Variants in WARS2 observed in about 807,000 individuals in gnomAD.
The protein encoded by WARS2 is tryptophanyl tRNA synthetase 2, mitochondrial, also known as tryptophan--tRNA ligase, mitochondrial.
A neutral mutation model predicts 36.5 loss-of-function variants in WARS2; 28 were observed. That is an observed-to-expected ratio of 0.77 (90% confidence interval 0.57 to 1.05). WARS2 has a LOEUF of 1.05. WARS2 is among the 50% of genes least tolerant of loss of function. The probability of loss-of-function intolerance (pLI) is 0.00; values close to 1 mark genes in which losing one functional copy is unlikely to be tolerated. For missense variants in WARS2, 435 were observed against 456.8 expected, an observed-to-expected ratio of 0.95 and a Z score of 0.44; for synonymous variants, 174 against 178.4, an observed-to-expected ratio of 0.98 and a Z score of 0.20.
chr1:119,084,573 A>G (rs1267183529), intron 1 of WARS2, among the ~76,000 whole-genome samples: 24 of 152,220 alleles, frequency 1.6e-4, no homozygotes, highest in Admixed American at 1.4e-3. Flanking sequence ...GGTTTTGGGC[A>G]TGGAGCTGGT....
intron 1 of WARS2, among the ~76,000 whole-genome samples, chr1:119,079,199 G>A (rs1332166008): frequency 1.3e-5 from 2 of 151,786 alleles, no homozygotes; most frequent in Non-Finnish European, 2.9e-5. Flanking sequence ...CCTCTATGAA[G>A]AATCTGGTAA....
chr1:119,068,866 C>A (rs1463430983), intron 2 of WARS2, among the ~76,000 whole-genome samples: 4 of 152,118 alleles, frequency 2.6e-5, no homozygotes, highest in Non-Finnish European at 4.4e-5. Flanking sequence ...CACACACACA[C>A]ACACACACAC....
chr1:119,036,313 A>G (rs1256113503), intron 4 of WARS2, among the ~76,000 whole-genome samples: 2 of 152,246 alleles, frequency 1.3e-5, no homozygotes, highest in Non-Finnish European at 2.9e-5. Flanking sequence ...CTGGAGTAGA[A>G]AGCCACTGGA....
At chr1:119,132,803 T>G (rs921142737) in intron 1 of WARS2, among the ~76,000 whole-genome samples, 1 of 152,162 alleles carries the variant, frequency 6.6e-6, no homozygotes, top group East Asian at 1.9e-4. Flanking sequence ...CCATTCTAAT[T>G]AATATACTAA....
chr1:119,048,967 G>T (rs1269866258), intron 2 of WARS2, among the ~76,000 whole-genome samples: 1 of 152,188 alleles, frequency 6.6e-6, no homozygotes, highest in African/African-American at 2.4e-5. Flanking sequence ...GGAGGCTGAG[G>T]CGGGGGAATC....
chr1:119,090,980 G>A (rs1653005307), intron 1 of WARS2, among the ~76,000 whole-genome samples: 1 of 152,154 alleles, frequency 6.6e-6, no homozygotes, highest in South Asian at 2.1e-4. Context: ...ATACTAACAG[G>A]AATGTTGGTT....
intron 2 of WARS2, among the ~76,000 whole-genome samples, chr1:119,058,001 G>T (rs1649985134): frequency 6.6e-6 from 1 of 152,128 alleles, no homozygotes; most frequent in Admixed American, 6.5e-5. Flanking sequence ...TATATTAAGT[G>T]ATTTTGTGTA....
intron 3 of WARS2, among the ~76,000 whole-genome samples, chr1:119,045,275 T>C (rs376184754): frequency 2.0e-5 from 3 of 152,224 alleles, no homozygotes; most frequent in Admixed American, 1.3e-4. Context: ...AGTCTAGTAA[T>C]CTACAATCTG....
At chr1:119,126,700 C>A (rs1197447076) in intron 1 of WARS2, 1 of 727,902 alleles carries the variant, frequency 1.4e-6, no homozygotes, top group African/African-American at 1.7e-5. Context: ...ACTTTTCTAA[C>A]GAAGACATCA....
Position 119,033,241 on chromosome 1 carries a change from G to A in WARS2, c.753C>T (p.Phe251=), listed in dbSNP as rs761297913. 6.2e-7 allele frequency: 1 copy of A among 1,614,280 alleles called. No homozygotes were observed. The highest frequency in any genetic ancestry group is 1.1e-5 in the South Asian group (1 of 91,092). The change falls in exon 6 of 6, where the codon TTC becomes TTT. Residue 251 remains phenylalanine (F), a synonymous_variant. Coordinates refer to ENST00000235521, the MANE Select transcript of WARS2 (RefSeq NM_015836.4). ...TDSPEEIVQK[F]RKAVTDFTSE... ...AGGTGAAGTCTGTCACAGCCTTGCG[G>A]AATTTCTGCACTATCTCCTCTGGGC...
chr1:119,056,328 C>T (rs767974031), intron 2 of WARS2, among the ~76,000 whole-genome samples: 14 of 150,822 alleles, frequency 9.3e-5, no homozygotes, highest in South Asian at 2.1e-4. Context: ...TGAGCCATCA[C>T]GCCTGGCCCA....
chr1:119,114,313 T>G (rs1156964548), intron 1 of WARS2, among the ~76,000 whole-genome samples: 3 of 152,308 alleles, frequency 2.0e-5, no homozygotes, highest in East Asian at 3.9e-4. Context: ...AAATGGAAGC[T>G]ATGAGTATGT....
Position 119,140,319 on chromosome 1 carries a change from G to T in WARS2, c.90+236C>A, listed in dbSNP as rs587668922. Reference sequence around the variant, plus strand: ...CTCCGCTCCCAGAACTGGAGGTGGCGGCAAGAGGTCAGAAAGCGGCGCGCT... The same window carrying T: ...CTCCGCTCCCAGAACTGGAGGTGGCTGCAAGAGGTCAGAAAGCGGCGCGCT... On this transcript the variant is annotated intron_variant, in intron 1 of 5. Coordinates refer to ENST00000235521, the MANE Select transcript of WARS2 (RefSeq NM_015836.4). 11 of 378,754 alleles carry T rather than the reference G, an allele frequency of 2.9e-5. No homozygotes were observed. The East Asian group carries it at 4.1e-4, about 14-fold the overall frequency. The allele number at this position is 378,754 out of a possible 1,614,324, so 23.5% of individuals were successfully genotyped here. A position where few individuals can be genotyped will look rare whatever the true frequency, so the allele number is the denominator to read the frequency against.
intron 1 of WARS2, among the ~76,000 whole-genome samples, chr1:119,138,163 G>A (rs2101588161): frequency 6.6e-6 from 1 of 152,210 alleles, no homozygotes; most frequent in East Asian, 1.9e-4. Context: ...AAGGTTATGA[G>A]ATATCATAAA....
intron 1 of WARS2, among the ~76,000 whole-genome samples, chr1:119,118,438 A>G (rs1655122810): frequency 6.6e-6 from 1 of 152,116 alleles, no homozygotes; most frequent in Admixed American, 6.6e-5. Context: ...ATTATGTTAA[A>G]TGACCAAACC....
At chr1:119,127,267 G>A (rs1403417537) in intron 1 of WARS2, 1 of 748,820 alleles carries the variant, frequency 1.3e-6, no homozygotes, top group Non-Finnish European at 2.3e-6. Flanking sequence ...CCTTTCATAA[G>A]GCGCTTGTTC....
In WARS2 at chr1:119,032,833, T is replaced by C. The variant is rs1647538085; in HGVS notation, c.*78A>G. The stretch of plus-strand genomic sequence containing the variant: ...TAAATGTCCCAAAACTATAACTTTT[T>C]CTTTTTAGGAAAGCTGCCGTTATCA... On this transcript the variant is annotated 3_prime_UTR_variant, in exon 6 of 6. Coordinates refer to ENST00000235521, the MANE Select transcript of WARS2 (RefSeq NM_015836.4). 7.3e-7 allele frequency: 1 copy of C among 1,366,248 alleles called. No individual in the cohort carries two copies. The highest frequency in any genetic ancestry group is 1.0e-6 in the Non-Finnish European group (1 of 999,616). 84.6% of individuals were successfully genotyped at this position (1,366,248 alleles called of 1,614,324 possible). A position where few individuals can be genotyped will look rare whatever the true frequency, so the allele number is the denominator to read the frequency against.
At chr1:119,095,330 G>A (rs1653354549) in intron 1 of WARS2, among the ~76,000 whole-genome samples, 1 of 152,144 alleles carries the variant, frequency 6.6e-6, no homozygotes, top group Non-Finnish European at 1.5e-5. Flanking sequence ...TCAATATTTA[G>A]CAAGTTTGTT....
At chr1:119,117,547 G>T (rs587644505) in intron 1 of WARS2, among the ~76,000 whole-genome samples, 2 of 152,338 alleles carry the variant, frequency 1.3e-5, no homozygotes, top group African/African-American at 4.8e-5. Flanking sequence ...CAAAGAAAGA[G>T]AAGACAACAG....
Sources: gnomAD v4.1 joint callset for allele counts (sites outside exome capture counted in the v4.1 genomes callset) on GRCh38, gnomAD v4.1.1 for gene constraint, MANE v1.5 for transcripts, NCBI Gene and HGNC (gene_info 2026-07-23, HGNC 2026-07-21) for gene names.